The following AUTS2 variants were observed in gnomAD, a reference collection of about 807,000 sequenced individuals.
The protein encoded by AUTS2 is activator of transcription and developmental regulator AUTS2, also known as autism susceptibility gene 2 protein.
AUTS2 carries 17 observed loss-of-function variants against 112.4 expected under a neutral mutation model. The observed-to-expected ratio is 0.15, with a 90% CI of 0.10 to 0.23. The LOEUF is 0.23. AUTS2 is among the 10% of genes least tolerant of loss of function. The pLI, the probability that AUTS2 is intolerant of heterozygous loss-of-function variation, is 1.00. For missense variants in AUTS2, 1,510 were observed against 1,701.6 expected (o/e 0.89, Z 1.98); for synonymous variants, 751 against 702.7 (o/e 1.07, Z -1.09).
chr7:70,118,461 G>T, intron 3 of AUTS2: 1 of 474,294 alleles, frequency 2.1e-6, no homozygotes, highest in Non-Finnish European at 3.4e-6. Context: ...CAAATCATTA[G>T]GTAGGAGGAA....
chr7:70,289,523 A>C (rs1042847560), intron 4 of AUTS2, among the ~76,000 whole-genome samples: 4 of 152,166 alleles, frequency 2.6e-5, no homozygotes, highest in Non-Finnish European at 4.4e-5. Flanking sequence ...CCCTCTTACC[A>C]GTATTTTTAT....
chr7:70,677,895 A>G (rs966425735), intron 5 of AUTS2, among the ~76,000 whole-genome samples: 2 of 152,058 alleles, frequency 1.3e-5, no homozygotes, highest in Non-Finnish European at 2.9e-5. Flanking sequence ...CGTCCTGGCT[A>G]ACACCATGAA....
At chr7:70,687,570 C>A (rs1384755271) in intron 5 of AUTS2, among the ~76,000 whole-genome samples, 1 of 152,112 alleles carries the variant, frequency 6.6e-6, no homozygotes, top group Non-Finnish European at 1.5e-5. Context: ...AATATTTATT[C>A]CCCCCTGTGT....
At chr7:70,553,278 C>T (rs1801089945) in intron 5 of AUTS2, among the ~76,000 whole-genome samples, 2 of 152,230 alleles carry the variant, frequency 1.3e-5, no homozygotes, top group African/African-American at 2.4e-5. Context: ...ACAGCCCAGC[C>T]AACCTAATTC....
At chr7:70,107,413 G>A (rs985359512) in intron 2 of AUTS2, among the ~76,000 whole-genome samples, 1 of 143,514 alleles carries the variant, frequency 7.0e-6, no homozygotes, top group Non-Finnish European at 1.5e-5. Context: ...GCGTGATCTC[G>A]GTTCACTGCA....
At chr7:70,064,813 A>C (rs1486005601) in intron 2 of AUTS2, among the ~76,000 whole-genome samples, 3 of 152,170 alleles carry the variant, frequency 2.0e-5, no homozygotes, top group African/African-American at 7.2e-5. Context: ...TTAGACTTCC[A>C]AAACCAATGT....
chr7:70,766,290 G>C lies in AUTS2; in HGVS notation c.1645G>C (p.Ala549Pro). ...GCACACCTTCACGCCGTTCCCCCAC[G>C]CCATCCCACCCACCGCCATCATGCC... ...HQHTFTPFPHAIPPTAIMPTP... is the reference protein window; with the variant it reads ...HQHTFTPFPHPIPPTAIMPTP... Residue 549 changes from alanine (A) to proline (P), a missense_variant, in exon 9 of 19, where the codon GCC (alanine) becomes CCC (proline). Transcript: ENST00000342771. The surrounding 1 kb of genome is among the most constrained non-coding windows in gnomAD (Gnocchi z 4.8). 1 of 1,613,982 alleles carries C rather than the reference G, an allele frequency of 6.2e-7. No individual in the cohort carries two copies. Among genetic ancestry groups the C allele is most frequent in the Admixed American group, 1.7e-5 (1 of 60,010 alleles).
intron 4 of AUTS2, among the ~76,000 whole-genome samples, chr7:70,208,585 A>G (rs181259737): frequency 5.9e-5 from 9 of 152,300 alleles, no homozygotes; most frequent in Admixed American, 5.2e-4. Context: ...GTGCTGAACA[A>G]GAACAGAAGC....
Position 69,927,128 on chromosome 7 carries a change from C to G in AUTS2, c.522+27630C>G, listed in dbSNP as rs1041012225. 2.0e-5 allele frequency among the ~76,000 whole-genome samples: 3 copies of G among 147,182 alleles called. No individual in the cohort carries two copies. The East Asian group carries it at 5.9e-4, about 29-fold the overall frequency. On this transcript the variant is annotated intron_variant, in intron 2 of 18. Transcript: ENST00000342771. ...GGAAAAAAATGCAACTAATGAAAAA[C>G]AAATGGCAACATGAAAGTCTCAAAC...
chr7:69,821,863 C>T (rs552024376), intron 1 of AUTS2, among the ~76,000 whole-genome samples: 2 of 144,548 alleles, frequency 1.4e-5, no homozygotes, highest in Admixed American at 7.2e-5. Context: ...CTGCAGTGAG[C>T]TGTGATTGCA....
intron 1 of AUTS2, among the ~76,000 whole-genome samples, chr7:69,660,874 C>T (rs1051873815): frequency 6.6e-6 from 1 of 152,166 alleles, no homozygotes; most frequent in Admixed American, 6.5e-5. Context: ...GCGGAGCTTG[C>T]GGTGAGCTGA....
chr7:70,423,825 A>T (rs1795321853), intron 4 of AUTS2, among the ~76,000 whole-genome samples: 1 of 152,178 alleles, frequency 6.6e-6, no homozygotes, highest in African/African-American at 2.4e-5. Context: ...GTTTTCGTGT[A>T]GCATAGTATT....
rs371386048 is a variant in AUTS2, at chr7:70,763,201, G to A, written c.1074G>A (p.Val358=). The A allele has an allele frequency of 6.2e-7, 1 of 1,614,048 alleles. No homozygotes were observed. Among genetic ancestry groups the A allele is most frequent in the Non-Finnish European group, 8.5e-7 (1 of 1,179,986 alleles). ...AQLQPAPQPQ[V]QRPPRPQSPT... ...TCCAGCCTGCCCCGCAGCCTCAGGTGCAGAGGCCACCCAGGCCACAGTCCC... is the reference window on the plus strand; with the variant it reads ...TCCAGCCTGCCCCGCAGCCTCAGGTACAGAGGCCACCCAGGCCACAGTCCC... Residue 358 remains valine (V), a synonymous_variant, in exon 7 of 19, where the codon GTG becomes GTA. Transcript: ENST00000342771.
chr7:70,685,472 CAAAAAAAAA>C (rs34403837), intron 5 of AUTS2, among the ~76,000 whole-genome samples: 2,170 of 65,954 alleles, frequency 0.033, 58 homozygotes, highest in African/African-American at 0.11. Context: ...GACTCTGTCT[CAAAAAAAAA>C]AAAAAAAAAA....
At chr7:70,505,358 A>C (rs577578807) in intron 5 of AUTS2, among the ~76,000 whole-genome samples, 3 of 152,286 alleles carry the variant, frequency 2.0e-5, no homozygotes, top group African/African-American at 7.2e-5. Flanking sequence ...ATAAACATGA[A>C]GTTAATATGG....
chr7:70,396,647 G>A (rs1376847313), intron 4 of AUTS2, among the ~76,000 whole-genome samples: 1 of 152,168 alleles, frequency 6.6e-6, no homozygotes, highest in Non-Finnish European at 1.5e-5. Flanking sequence ...AAAGTGTTGG[G>A]ACTACAGGTG....
chr7:70,236,419 A>G (rs1296127413), intron 4 of AUTS2, among the ~76,000 whole-genome samples: 1 of 152,190 alleles, frequency 6.6e-6, no homozygotes, highest in Non-Finnish European at 1.5e-5. Context: ...AATGGAGTGA[A>G]TGAACATTTT....
intron 1 of AUTS2, among the ~76,000 whole-genome samples, chr7:69,884,027 C>G (rs1222384380): frequency 6.6e-6 from 1 of 152,198 alleles, no homozygotes; most frequent in East Asian, 1.9e-4. Context: ...TGACATCCTC[C>G]AGCCCACTTC....
At chr7:70,252,916 G>A (rs1453563536) in intron 4 of AUTS2, among the ~76,000 whole-genome samples, 1 of 152,096 alleles carries the variant, frequency 6.6e-6, no homozygotes, top group African/African-American at 2.4e-5. Context: ...GTTTATGTCT[G>A]TGTTCTCTAT....
Sources: allele counts gnomAD v4.1 joint callset (sites outside exome capture counted in the v4.1 genomes callset), GRCh38; gene constraint gnomAD v4.1.1; non-coding constraint Gnocchi (gnomAD v3.1); transcripts MANE v1.5; gene names NCBI Gene and HGNC (gene_info 2026-07-23, HGNC 2026-07-21).